YME1L1: variants seen among roughly 807,000 people sequenced by gnomAD.
YME1L1 encodes YME1 like 1 ATPase.
YME1L1 carries 39 observed loss-of-function variants against 90.4 expected under a neutral mutation model. That is an observed-to-expected ratio of 0.43 (90% CI 0.33 to 0.56). YME1L1 has a LOEUF of 0.56. Ranked by LOEUF, YME1L1 falls within the 20% of genes least tolerant of loss-of-function variation. The pLI is 0.03. For synonymous variants in YME1L1, 284 were observed against 287.3 expected (o/e 0.99, Z 0.12); for missense variants, 617 against 868.4 (o/e 0.71, Z 3.64).
chr10:27,142,350 AT>A (rs750738952), intron 4 of YME1L1, 36 bp downstream of exon 4: 441 of 1,178,266 alleles, frequency 3.7e-4, no homozygotes, highest in Middle Eastern at 1.8e-3. Flanking sequence ...GTAAATAAAT[AT>A]TTTTTTTTCC....
intron 3 of YME1L1, among the ~76,000 whole-genome samples, chr10:27,142,695 T>G (rs1454961557): frequency 6.6e-6 from 1 of 152,188 alleles, no homozygotes; most frequent in Non-Finnish European, 1.5e-5. Context: ...TAGCTATCAC[T>G]TGTTGGTTAC....
rs2056760244 is a variant in YME1L1 at position 27,111,715 on chromosome 10, G to C, written c.*262C>G. On this transcript the variant is annotated 3_prime_UTR_variant, in exon 19 of 19. Coordinates refer to ENST00000376016, the MANE Select transcript of YME1L1 (RefSeq NM_014263.4). ...ATTACTTTCAACTTAATAACTAATT[G>C]ACATTCCTCAAAAGAGCTGTTTTCA... is the stretch of plus-strand genomic sequence containing the variant. 1 of 525,248 alleles carries C rather than the reference G, an allele frequency of 1.9e-6. No homozygotes were observed. The highest frequency in any genetic ancestry group is 1.9e-5 in the African/African-American group (1 of 52,210). The allele number at this position is 525,248 out of a possible 1,614,324, so 32.5% of individuals were successfully genotyped here.
rs1457212140 is a variant in YME1L1 at position 27,116,152 on chromosome 10, A to G, written c.1847-19T>C. 1.9e-6 allele frequency: 3 copies of G among 1,613,474 alleles called. No individual in the cohort carries two copies. The African/African-American group carries it at 4.0e-5, about 22-fold the overall frequency. ...GAAGCACCTAAAATAAAATAAAAAC[A>G]TACCATTTTAAAACATATCTTTAAG... On this transcript the variant is annotated intron_variant, in intron 16 of 18. Coordinates refer to ENST00000376016, the MANE Select transcript of YME1L1 (RefSeq NM_014263.4).
intron 6 of YME1L1, 90 bp downstream of exon 6, chr10:27,134,741 T>C: frequency 1.5e-6 from 2 of 1,317,562 alleles, no homozygotes; most frequent in South Asian, 2.7e-5. Context: ...CAATAGATGG[T>C]CTTAGAAAAG....
intron 9 of YME1L1, among the ~76,000 whole-genome samples, chr10:27,125,216 A>G (rs1263294498): frequency 6.6e-6 from 1 of 152,176 alleles, no homozygotes; most frequent in Non-Finnish European, 1.5e-5. Context: ...TAATAGCAAA[A>G]AAACTGGAAA....
At chr10:27,144,136 TATGAGGAACA>T (rs2057118480) in intron 3 of YME1L1, among the ~76,000 whole-genome samples, 1 of 152,292 alleles carries the variant, frequency 6.6e-6, no homozygotes, top group Non-Finnish European at 1.5e-5. Flanking sequence ...CAGCTGGTGG[TATGAGGAACA>T]ATCTTAAGAG....
chr10:27,128,675 T>C (rs1031564647), intron 8 of YME1L1, among the ~76,000 whole-genome samples: 2 of 151,788 alleles, frequency 1.3e-5, no homozygotes, highest in African/African-American at 2.4e-5. Context: ...GAGGCAAAGA[T>C]GGGTGGATCA....
intron 18 of YME1L1, 148 bp from the exon 19 acceptor site, chr10:27,112,268 T>A: frequency 1.3e-6 from 1 of 782,490 alleles, no homozygotes; most frequent in Non-Finnish European, 2.0e-6. Flanking sequence ...GATTCTACAG[T>A]AGAGATAATT....
intron 4 of YME1L1, among the ~76,000 whole-genome samples, chr10:27,141,396 T>C (rs780024411): frequency 3.9e-5 from 6 of 151,930 alleles, no homozygotes; most frequent in Non-Finnish European, 7.4e-5. Flanking sequence ...ACAAAACAAA[T>C]ACAGTCATCA....
intron 4 of YME1L1, 59 bp from the exon 5 acceptor site, chr10:27,136,444 C>G: frequency 7.1e-7 from 1 of 1,402,152 alleles, no homozygotes; most frequent in Non-Finnish European, 1.0e-6. Context: ...AGAAAAATGC[C>G]TAAGATTCTA....
In YME1L1 at chr10:27,119,582, G is replaced by A. The variant is rs928934627; in HGVS notation, c.1412-133C>T. The A allele has an allele frequency of 3.2e-5, 29 of 911,856 alleles. No homozygotes were observed. In the Admixed American group the frequency reaches 3.6e-4, roughly 11 times the overall value. The allele number at this position is 911,856 out of a possible 1,614,324, so 56.5% of individuals were successfully genotyped here. On this transcript the variant is annotated intron_variant, in intron 13 of 18. Transcript: ENST00000376016. ...CCAGCACTTTGGGAGGCTGGGGCAG[G>A]CAGATCACCTAAGGACAGGAGTTGG...
chr10:27,121,273 T>C, intron 12 of YME1L1, 113 bp downstream of exon 12: 2 of 758,186 alleles, frequency 2.6e-6, no homozygotes, highest in Non-Finnish European at 4.6e-6. Context: ...ATTCTGGATA[T>C]TGCATATAAA....
intron 4 of YME1L1, among the ~76,000 whole-genome samples, chr10:27,141,498 T>C (rs1482369833): frequency 6.6e-6 from 1 of 152,166 alleles, no homozygotes; most frequent in African/African-American, 2.4e-5. Flanking sequence ...CAGAATACTT[T>C]AGCGAATGTG....
At chr10:27,130,381 T>C (rs898602810) in intron 8 of YME1L1, among the ~76,000 whole-genome samples, 6 of 152,228 alleles carry the variant, frequency 3.9e-5, no homozygotes, top group Non-Finnish European at 8.8e-5. Flanking sequence ...CATCCAAACA[T>C]GTGGACTTAA....
intron 2 of YME1L1, among the ~76,000 whole-genome samples, 197 bp downstream of exon 2, chr10:27,148,709 A>G (rs2057172999): frequency 6.6e-6 from 1 of 152,180 alleles, no homozygotes; most frequent in African/African-American, 2.4e-5. Flanking sequence ...TACAAAATAT[A>G]TGTTAATGGA....
At chr10:27,154,139 G>C (rs1268190203) in intron 1 of YME1L1, 39 bp downstream of exon 1, 3 of 1,568,774 alleles carry the variant, frequency 1.9e-6, no homozygotes, top group South Asian at 1.2e-5. Flanking sequence ...GCCACGGGCA[G>C]GGCGGGAGGA....
rs186144382 is a variant in YME1L1 at position 27,131,420 on chromosome 10, T to C, written c.858+439A>G. ...ACTAGCATTTATCCATTCTATTCATTCAAGAAATATACATTGTCTAACATG... is the reference window on the plus strand; with the variant it reads ...ACTAGCATTTATCCATTCTATTCATCCAAGAAATATACATTGTCTAACATG... On this transcript the variant is annotated intron_variant, in intron 8 of 18. Coordinates refer to ENST00000376016, the MANE Select transcript of YME1L1 (RefSeq NM_014263.4). 2.2e-3 allele frequency among the ~76,000 whole-genome samples: 341 copies of C among 152,320 alleles called. 1 individual carries two copies. The highest frequency in any genetic ancestry group is 6.8e-3 in the Middle Eastern group (2 of 294).
chr10:27,122,801 A>T (rs769334298), intron 11 of YME1L1, 40 bp downstream of exon 11: 9 of 1,608,602 alleles, frequency 5.6e-6, no homozygotes, highest in Middle Eastern at 1.6e-4. Context: ...AAATGCTGGG[A>T]GGCATCACCA....
chr10:27,145,301 C>CA (rs34642786), intron 3 of YME1L1, 127 bp downstream of exon 3: 6,818 of 499,038 alleles, frequency 0.014, no homozygotes, highest in Non-Finnish European at 0.016. Context: ...AAAAAAAAAA[C>CA]AAAAAAAAAA....
Sources: allele counts gnomAD v4.1 joint callset (sites outside exome capture counted in the v4.1 genomes callset), GRCh38; gene constraint gnomAD v4.1.1; transcripts MANE v1.5; gene names NCBI Gene and HGNC (gene_info 2026-07-23, HGNC 2026-07-21).